The following GPC5 variants were observed in gnomAD, a reference collection of about 807,000 sequenced individuals.
GPC5 encodes glypican 5.
GPC5 carries 47 observed loss-of-function variants against 53.9 expected under a neutral mutation model. That is an observed-to-expected ratio of 0.87 (90% confidence interval 0.69 to 1.11). The LOEUF (loss-of-function observed/expected upper bound fraction) is 1.11, where lower values mean the gene tolerates loss of function less well. Among genes scored for constraint, GPC5 ranks in the 50% most tolerant of loss-of-function variants. The pLI is 0.00. For missense variants in GPC5, 748 were observed against 713.1 expected, an observed-to-expected ratio of 1.05 and a Z score of -0.56; for synonymous variants, 286 against 263.3, an observed-to-expected ratio of 1.09 and a Z score of -0.84.
chr13:91,895,472 C>T (rs1292289310), intron 5 of GPC5, among the ~76,000 whole-genome samples: 1 of 152,148 alleles, frequency 6.6e-6, no homozygotes, highest in Admixed American at 6.5e-5. Flanking sequence ...GGCAGATATT[C>T]TCACAGAAAT....
intron 6 of GPC5, among the ~76,000 whole-genome samples, chr13:92,097,454 T>C (rs896241674): frequency 2.6e-5 from 4 of 152,200 alleles, no homozygotes; most frequent in Admixed American, 6.5e-5. Context: ...AATTAGACAA[T>C]CTTTTGCTAA....
chr13:92,653,384 T>G (rs74107087), intron 7 of GPC5, among the ~76,000 whole-genome samples: 3,290 of 152,106 alleles, frequency 0.022, 129 homozygotes, highest in African/African-American at 0.075. Flanking sequence ...AGTTGAAGAG[T>G]TGTTGATAGG....
chr13:91,439,062 G>A (rs955628180), intron 1 of GPC5, among the ~76,000 whole-genome samples: 9 of 152,216 alleles, frequency 5.9e-5, no homozygotes, highest in African/African-American at 2.2e-4. Context: ...GACTGGAGCT[G>A]TTCCTATTCG....
intron 1 of GPC5, among the ~76,000 whole-genome samples, chr13:91,419,233 T>C (rs965410095): frequency 2.0e-5 from 3 of 152,194 alleles, no homozygotes; most frequent in African/African-American, 7.2e-5. Context: ...CTAGCTCTTT[T>C]GATATTAGTT....
chr13:92,465,893 T>C (rs896211944), intron 7 of GPC5, among the ~76,000 whole-genome samples: 2 of 151,872 alleles, frequency 1.3e-5, no homozygotes, highest in Admixed American at 1.3e-4. Context: ...ATCTCACTTA[T>C]ATGTGGAATC....
chr13:92,775,137 G>A (rs1234557857), intron 7 of GPC5, among the ~76,000 whole-genome samples: 1 of 152,038 alleles, frequency 6.6e-6, no homozygotes, highest in Non-Finnish European at 1.5e-5. Flanking sequence ...GTCTTGTCCT[G>A]CAGCTGTTGT....
intron 7 of GPC5, among the ~76,000 whole-genome samples, chr13:92,147,753 T>C (rs1375607528): frequency 1.3e-5 from 2 of 152,106 alleles, no homozygotes; most frequent in African/African-American, 4.8e-5. Flanking sequence ...GGTTGCCTCT[T>C]ATGTTTCTAC....
At chr13:92,543,463 T>G (rs189133629) in intron 7 of GPC5, among the ~76,000 whole-genome samples, 8 of 152,166 alleles carry the variant, frequency 5.3e-5, no homozygotes, top group Admixed American at 2.0e-4. Context: ...AGGGGAAGTG[T>G]GACTGCTCTG....
chr13:92,347,334 G>A (rs1431090502), intron 7 of GPC5, among the ~76,000 whole-genome samples: 1 of 152,112 alleles, frequency 6.6e-6, no homozygotes, highest in Non-Finnish European at 1.5e-5. Context: ...GTCACTATCA[G>A]CAGATTTCTC....
chr13:92,400,659 C>T (rs1309091055), intron 7 of GPC5, among the ~76,000 whole-genome samples: 1 of 152,188 alleles, frequency 6.6e-6, no homozygotes, highest in African/African-American at 2.4e-5. Context: ...TTTTGAAATT[C>T]ACGAAGCACT....
At chr13:91,546,599 T>C (rs1370286158) in intron 2 of GPC5, among the ~76,000 whole-genome samples, 1 of 152,236 alleles carries the variant, frequency 6.6e-6, no homozygotes, top group East Asian at 1.9e-4. Flanking sequence ...AGTTCTTTGA[T>C]ATGTATGTCA....
chr13:92,065,092 G>T (rs2041157733), intron 6 of GPC5, among the ~76,000 whole-genome samples: 1 of 152,158 alleles, frequency 6.6e-6, no homozygotes, highest in African/African-American at 2.4e-5. Flanking sequence ...CAGTTTGAGA[G>T]CACCTGAAAG....
At chr13:92,474,675 A>G (rs1237778761) in intron 7 of GPC5, among the ~76,000 whole-genome samples, 1 of 151,964 alleles carries the variant, frequency 6.6e-6, no homozygotes, top group Non-Finnish European at 1.5e-5. Flanking sequence ...AGAAATACAT[A>G]TTCTCAATAG....
At chr13:91,574,782 G>A (rs775024049) in intron 2 of GPC5, among the ~76,000 whole-genome samples, 1 of 152,038 alleles carries the variant, frequency 6.6e-6, no homozygotes, top group African/African-American at 2.4e-5. Flanking sequence ...TGAGTCTCTG[G>A]TGATTAAGTG....
intron 5 of GPC5, among the ~76,000 whole-genome samples, chr13:91,830,407 A>G (rs2038636865): frequency 6.6e-6 from 1 of 151,918 alleles, no homozygotes; most frequent in African/African-American, 2.4e-5. Flanking sequence ...AGTTAAGACA[A>G]TTATCACAGG....
intron 7 of GPC5, among the ~76,000 whole-genome samples, chr13:92,386,356 C>T (rs1455126396): frequency 2.0e-5 from 3 of 151,966 alleles, no homozygotes; most frequent in African/African-American, 4.8e-5. Context: ...GGTTTCATAA[C>T]TTCATAGATA....
At chr13:91,572,215 ATATATATACACATATGTATATACATGTG>A (rs2031939965) in intron 2 of GPC5, among the ~76,000 whole-genome samples, 3 of 47,536 alleles carry the variant, frequency 6.3e-5, no homozygotes, top group Non-Finnish European at 1.1e-4. Context: ...ATATACGTGT[ATATATATACACATATGTATATACATGTG>A]TATATATATA....
chr13:92,096,578 G>A (rs1173642043), intron 6 of GPC5, among the ~76,000 whole-genome samples: 1 of 152,150 alleles, frequency 6.6e-6, no homozygotes, highest in African/African-American at 2.4e-5. Flanking sequence ...AGTGATTAAG[G>A]CACAAGGGTT....
At chr13:92,297,326 C>T (rs1301679764) in intron 7 of GPC5, among the ~76,000 whole-genome samples, 1 of 150,862 alleles carries the variant, frequency 6.6e-6, no homozygotes, top group Non-Finnish European at 1.5e-5. Context: ...CTGTATCTAG[C>T]TCAAGGTTTG....
Sources: gnomAD v4.1 joint callset for allele counts (sites outside exome capture counted in the v4.1 genomes callset) on GRCh38, gnomAD v4.1.1 for gene constraint, MANE v1.5 for transcripts, NCBI Gene and HGNC (gene_info 2026-07-23, HGNC 2026-07-21) for gene names.